Variants in DEPDC1 observed in about 807,000 individuals in gnomAD.
DEPDC1 encodes DEP domain containing 1.
DEPDC1 carries 66 observed loss-of-function variants against 86.8 expected under a neutral mutation model. That is an observed-to-expected ratio of 0.76 (90% CI 0.62 to 0.93). The LOEUF (loss-of-function observed/expected upper bound fraction) is 0.93. Among genes scored for constraint, DEPDC1 ranks in the 40% least tolerant of loss-of-function variants. The pLI, the probability that DEPDC1 is intolerant of heterozygous loss-of-function variation, is 0.00. For synonymous variants in DEPDC1, 255 were observed against 314.9 expected, an observed-to-expected ratio of 0.81 and a Z score of 2.02; for missense variants, 792 against 935.7, an observed-to-expected ratio of 0.85 and a Z score of 2.00.
In DEPDC1 at chr1:68,481,559, A is replaced by G. The variant is rs1375502505; in HGVS notation, c.1816T>C (p.Cys606Arg). 3 of 1,611,816 alleles carry G rather than the reference A, an allele frequency of 1.9e-6. No homozygotes were observed. The highest frequency in any genetic ancestry group is 2.2e-5 in the East Asian group (1 of 44,812). The change falls in exon 9 of 12, where the codon TGT becomes CGT. Residue 606 changes from cysteine (C) to arginine (R), a missense_variant. By Grantham distance (180) the Cys-to-Arg change is radical. Coordinates refer to ENST00000456315, the MANE Select transcript of DEPDC1 (RefSeq NM_001114120.3). ...CGATTTGGTGGGGGAAGTAACAAAC[A>G]ACATAACTGTAGAGCATCGATGGCA... The part of the protein sequence containing the change: ...RVAIDALQLC[C>R]LLLPPPNRRK...
At chr1:68,478,403 GA>G (rs1646131537) in intron 10 of DEPDC1, among the ~76,000 whole-genome samples, 1 of 150,678 alleles carries the variant, frequency 6.6e-6, no homozygotes, top group African/African-American at 2.4e-5. Context: ...GGTAGTAGAT[GA>G]TCAGCATATT....
intron 6 of DEPDC1, 58 bp downstream of exon 6, chr1:68,486,879 A>G: frequency 7.7e-7 from 1 of 1,293,346 alleles, no homozygotes; most frequent in South Asian, 2.4e-5. Context: ...TACTATCAAT[A>G]TAACACACAC....
At chr1:68,480,478 A>G (rs756449413) in intron 9 of DEPDC1, among the ~76,000 whole-genome samples, 6 of 151,656 alleles carry the variant, frequency 4.0e-5, no homozygotes, top group South Asian at 2.1e-4. Flanking sequence ...GAGCTCATCT[A>G]CTCTCATAGC....
At chr1:68,487,922 G>A (rs951166076) in intron 5 of DEPDC1, among the ~76,000 whole-genome samples, 1 of 151,682 alleles carries the variant, frequency 6.6e-6, no homozygotes, top group Non-Finnish European at 1.5e-5. Flanking sequence ...GAAAGTCTGA[G>A]CTTATTTTGT....
At position 68,482,145 on chromosome 1, in the gene DEPDC1, C is replaced by T; in HGVS notation, c.1663G>A (p.Glu555Lys). 6.2e-7 allele frequency: 1 copy of T among 1,612,928 alleles called. No individual in the cohort carries two copies. Among genetic ancestry groups the T allele is most frequent in the African/African-American group, 1.3e-5 (1 of 74,976 alleles). Residue 555 changes from glutamate (E) to lysine (K), a missense_variant, in exon 8 of 12, where the codon GAG becomes AAG. Glu to Lys is a moderately conservative substitution (Grantham distance 56). Coordinates refer to ENST00000456315, the MANE Select transcript of DEPDC1 (RefSeq NM_001114120.3). ...VQTAMESELGESSATINKRLC... is the reference protein window; with the variant it reads ...VQTAMESELGKSSATINKRLC... ...CTTTTATTGATTGTGGCACTAGACTCTCCGAGTTCACTTTCCATAGCTGTT... is the reference window on the plus strand; with the variant it reads ...CTTTTATTGATTGTGGCACTAGACTTTCCGAGTTCACTTTCCATAGCTGTT...
Position 68,480,252 on chromosome 1 carries a change from C to CCACA in DEPDC1, c.1936-936_1936-933dup, listed in dbSNP as rs72099346. ...ATATCTATGCAACCCTCTAACTGTA[C>CCACA]CACACACACACACACACACACACAC... On this transcript the variant is annotated intron_variant, in intron 9 of 11. Transcript: ENST00000456315. Among the ~76,000 whole-genome samples the CCACA allele has an allele frequency of 2.0e-3, 285 of 145,518 alleles. 2 individuals are homozygous for CCACA. The highest frequency in any genetic ancestry group is 5.9e-3 in the African/African-American group (233 of 39,180).
At chr1:68,483,316 G>T (rs200704503) in intron 7 of DEPDC1, 30 of 519,026 alleles carry the variant, frequency 5.8e-5, no homozygotes, top group Non-Finnish European at 1.9e-5. Context: ...CTGAATGATA[G>T]AAGTCTTTAG....
chr1:68,488,740 T>G (rs1377622974), intron 4 of DEPDC1, among the ~76,000 whole-genome samples, 176 bp downstream of exon 4: 1 of 151,838 alleles, frequency 6.6e-6, no homozygotes, highest in African/African-American at 2.4e-5. Flanking sequence ...ACCGAAACAT[T>G]CAATTTCTAC....
intron 6 of DEPDC1, among the ~76,000 whole-genome samples, chr1:68,486,608 G>T (rs185027696): frequency 1.3e-5 from 2 of 151,550 alleles, no homozygotes; most frequent in Non-Finnish European, 2.9e-5. Context: ...CAAGCCATTT[G>T]AACTCTGAGC....
intron 11 of DEPDC1, 72 bp downstream of exon 11, chr1:68,477,714 TA>T: frequency 3.0e-6 from 3 of 985,816 alleles, no homozygotes; most frequent in Non-Finnish European, 2.8e-6. Context: ...AAGTAGATTC[TA>T]AATGTTATTA....
intron 2 of DEPDC1, among the ~76,000 whole-genome samples, chr1:68,492,429 G>A (rs573534435): frequency 8.5e-5 from 13 of 152,064 alleles, no homozygotes; most frequent in East Asian, 3.9e-4. Flanking sequence ...AGGAGAGGCC[G>A]GGCGTGGTGG....
chr1:68,490,920 A>G (rs1196390182), intron 2 of DEPDC1, among the ~76,000 whole-genome samples: 1 of 152,168 alleles, frequency 6.6e-6, no homozygotes, highest in East Asian at 1.9e-4. Flanking sequence ...GCTGACAAAA[A>G]CAAGCAATGG....
intron 9 of DEPDC1, among the ~76,000 whole-genome samples, chr1:68,480,257 CACACA>C (rs1646146363): frequency 6.7e-5 from 4 of 60,062 alleles, no homozygotes; most frequent in African/African-American, 1.1e-4. Flanking sequence ...CTGTACCACA[CACACA>C]CACACACACA....
Position 68,496,931 on chromosome 1 carries a change from C to T in DEPDC1, c.48+21G>A. 3 of 1,609,600 alleles carry T rather than the reference C, an allele frequency of 1.9e-6. No homozygotes were observed. The highest frequency in any genetic ancestry group is 2.5e-6 in the Non-Finnish European group (3 of 1,177,546). ...CTGCCGTCAGCCCGCTGACCGGTCC[C>T]GTCTATCCGAGCTGTCTTACCAGCT... is the stretch of plus-strand genomic sequence containing the variant. On this transcript the variant is annotated intron_variant, in intron 1 of 11. Transcript: ENST00000456315. This position sits in a 1 kb window ranked among gnomAD's most constrained non-coding sequence, Gnocchi z 4.0.
chr1:68,483,308 G>A (rs1314919468), intron 7 of DEPDC1: 1 of 519,508 alleles, frequency 1.9e-6, no homozygotes, highest in Admixed American at 1.9e-5. Context: ...GAAATTTCCT[G>A]AATGATAGAA....
At chr1:68,483,431 G>T in intron 7 of DEPDC1, 1 of 448,662 alleles carries the variant, frequency 2.2e-6, no homozygotes, top group Admixed American at 2.6e-5. Flanking sequence ...TGTGGGAGGA[G>T]AAAGGGGCTA....
chr1:68,488,817 G>T, intron 4 of DEPDC1, 99 bp downstream of exon 4: 1 of 852,934 alleles, frequency 1.2e-6, no homozygotes, highest in Non-Finnish European at 2.0e-6. Context: ...TAAGCTTTCA[G>T]AATTAATCTG....
intron 5 of DEPDC1, among the ~76,000 whole-genome samples, chr1:68,487,281 G>C (rs1646199227): frequency 6.6e-6 from 1 of 151,958 alleles, no homozygotes; most frequent in African/African-American, 2.4e-5. Context: ...GGAGTGTTTA[G>C]ATATAAACTC....
intron 5 of DEPDC1, 69 bp from the exon 6 acceptor site, chr1:68,487,053 C>T (rs942003371): frequency 7.3e-5 from 102 of 1,388,224 alleles, no homozygotes; most frequent in Non-Finnish European, 9.4e-5. Flanking sequence ...TAAAATATCA[C>T]ACTTACGTGC....
Sources: gnomAD v4.1 joint callset for allele counts (sites outside exome capture counted in the v4.1 genomes callset) on GRCh38, gnomAD v4.1.1 for gene constraint, Gnocchi (gnomAD v3.1) non-coding constraint, MANE v1.5 for transcripts, NCBI Gene and HGNC (gene_info 2026-07-23, HGNC 2026-07-21) for gene names.